The following CARMIL1 variants were observed in gnomAD, a reference collection of about 807,000 sequenced individuals.
CARMIL1 encodes F-actin-uncapping protein LRRC16A.
CARMIL1 carries 90 observed loss-of-function variants against 177.1 expected under a neutral mutation model. The ratio of observed to expected loss-of-function variants is 0.51; its 90% CI spans 0.43 to 0.61. The LOEUF (loss-of-function observed/expected upper bound fraction) is 0.61. CARMIL1 is among the 20% of genes least tolerant of loss of function. The pLI, the probability that CARMIL1 is intolerant of heterozygous loss-of-function variation, is 0.00. For synonymous variants in CARMIL1, 577 were observed against 606.2 expected, an observed-to-expected ratio of 0.95 and a Z score of 0.71; for missense variants, 1,380 against 1,667.0, an observed-to-expected ratio of 0.83 and a Z score of 3.00.
chr6:25,554,818 T>C lies in CARMIL1; in HGVS notation c.2592+722T>C, dbSNP rs1408450565. ...TCCTTCAAGAAAAATAATTCTTCAA[T>C]GTTTTCTTAACTGTGCGGGATGGAG... On this transcript the variant is annotated intron_variant, in intron 28 of 36. Coordinates refer to ENST00000329474, the MANE Select transcript of CARMIL1 (RefSeq NM_017640.6). The surrounding 1 kb of genome is among the most constrained non-coding windows in gnomAD (Gnocchi z 4.6). Among the ~76,000 whole-genome samples, 1 of 152,218 alleles carries C rather than the reference T, an allele frequency of 6.6e-6. No individual in the cohort carries two copies. The highest frequency in any genetic ancestry group is 1.5e-5 in the Non-Finnish European group (1 of 68,028).
Position 25,452,253 on chromosome 6 carries a change from TC to T in CARMIL1, c.614+1543del, listed in dbSNP as rs746362014. ...TTTTTTTTTTCCTGCTTAGAGCAGT[TC>T]TCCTTCTTCCTATAAGTGAGGCAAC... On this transcript the variant is annotated intron_variant, in intron 8 of 36. Transcript: ENST00000329474. 1.0e-5 allele frequency: 8 copies of T among 763,112 alleles called. No individual in the cohort carries two copies. The South Asian group carries it at 1.1e-4, about 10-fold the overall frequency. The allele number at this position is 763,112 out of a possible 1,614,324, so 47.3% of individuals were successfully genotyped here. A position where few individuals can be genotyped will look rare whatever the true frequency, so the allele number is the denominator to read the frequency against.
intron 1 of CARMIL1, among the ~76,000 whole-genome samples, chr6:25,282,408 G>A (rs1396351631): frequency 6.6e-6 from 1 of 152,124 alleles, no homozygotes; most frequent in Non-Finnish European, 1.5e-5. Context: ...TCTTCTACAT[G>A]TTCCCTTGCC....
intron 2 of CARMIL1, among the ~76,000 whole-genome samples, chr6:25,401,490 C>A (rs1793880615): frequency 6.6e-6 from 1 of 152,210 alleles, no homozygotes; most frequent in Non-Finnish European, 1.5e-5. Flanking sequence ...TGTTCTTATG[C>A]AAGTGTCACA....
intron 2 of CARMIL1, among the ~76,000 whole-genome samples, chr6:25,405,504 G>A (rs1462435660): frequency 1.3e-5 from 2 of 152,188 alleles, no homozygotes; most frequent in Non-Finnish European, 2.9e-5. Context: ...CTTTATTAAA[G>A]TGGATTTTGC....
intron 11 of CARMIL1, among the ~76,000 whole-genome samples, chr6:25,477,957 G>A (rs1801730534): frequency 6.9e-6 from 1 of 145,002 alleles, no homozygotes; most frequent in South Asian, 2.2e-4. Flanking sequence ...CTGGGCTCAA[G>A]CCATCCTCCC....
At chr6:25,526,275 G>A (rs936794972) in intron 23 of CARMIL1, among the ~76,000 whole-genome samples, 2 of 151,920 alleles carry the variant, frequency 1.3e-5, no homozygotes, top group Non-Finnish European at 1.5e-5. Context: ...CCCGGGGGGT[G>A]GAGCTTGCAG....
At position 25,619,615 on chromosome 6, in the gene CARMIL1, G is replaced by A; in HGVS notation, c.*32G>A. The A allele has an allele frequency of 6.3e-7, 1 of 1,599,168 alleles. No homozygotes were observed. Among genetic ancestry groups the A allele is most frequent in the Non-Finnish European group, 8.5e-7 (1 of 1,173,430 alleles). The stretch of plus-strand genomic sequence containing the variant: ...CCCACGCAGAAGTCTTCCTGTGCAG[G>A]GTGCTTTGGTAGCCATCAGAGAGGA... On this transcript the variant is annotated 3_prime_UTR_variant, in exon 37 of 37. Coordinates refer to ENST00000329474, the MANE Select transcript of CARMIL1 (RefSeq NM_017640.6).
intron 26 of CARMIL1, among the ~76,000 whole-genome samples, chr6:25,541,477 T>C (rs1386504379): frequency 1.3e-5 from 2 of 152,238 alleles, no homozygotes; most frequent in Non-Finnish European, 2.9e-5. Context: ...TAAATGTCTA[T>C]AATTTGACAT....
intron 32 of CARMIL1, among the ~76,000 whole-genome samples, chr6:25,596,522 T>A (rs1404051837): frequency 6.6e-6 from 1 of 152,172 alleles, no homozygotes; most frequent in Non-Finnish European, 1.5e-5. Flanking sequence ...TTTCTTCCAT[T>A]TGTCTTAATA....
chr6:25,435,728 A>C (rs1797167501), intron 5 of CARMIL1, 124 bp downstream of exon 5: 1 of 1,133,420 alleles, frequency 8.8e-7, no homozygotes, highest in Non-Finnish European at 1.2e-6. Context: ...TCTCCTCTTA[A>C]ATATTAAATA....
At chr6:25,351,079 A>G (rs1273708408) in intron 2 of CARMIL1, among the ~76,000 whole-genome samples, 1 of 152,046 alleles carries the variant, frequency 6.6e-6, no homozygotes, top group Non-Finnish European at 1.5e-5. Context: ...TGTATGTGTA[A>G]CTCTTAAGGG....
intron 23 of CARMIL1, among the ~76,000 whole-genome samples, chr6:25,521,769 CA>C (rs34016230): frequency 0.16 from 15,233 of 93,878 alleles, 772 homozygotes; most frequent in Admixed American, 0.22. Context: ...GATTCCATCT[CA>C]AAAAAAAAAA....
chr6:25,361,888 C>T (rs1789236317), intron 2 of CARMIL1, among the ~76,000 whole-genome samples: 1 of 151,994 alleles, frequency 6.6e-6, no homozygotes, highest in Non-Finnish European at 1.5e-5. Context: ...CAGATGCAGA[C>T]TCTTGAGTTT....
At chr6:25,379,623 A>G (rs911142996) in intron 2 of CARMIL1, among the ~76,000 whole-genome samples, 4 of 152,136 alleles carry the variant, frequency 2.6e-5, no homozygotes, top group African/African-American at 4.8e-5. Flanking sequence ...TCTGATCACT[A>G]AAAGGTGGAT....
intron 5 of CARMIL1, among the ~76,000 whole-genome samples, chr6:25,445,457 G>GGTTTTCAAA (rs1187837648): frequency 6.6e-6 from 1 of 151,918 alleles, no homozygotes; most frequent in Non-Finnish European, 1.5e-5. Flanking sequence ...TTTTTCTGAA[G>GGTTTTCAAA]GTTTTCAATT....
At chr6:25,440,858 A>C (rs1387314913) in intron 5 of CARMIL1, among the ~76,000 whole-genome samples, 1 of 151,978 alleles carries the variant, frequency 6.6e-6, no homozygotes. Context: ...GGGGGTCCTC[A>C]TCTCCTTCCT....
At chr6:25,560,182 T>A (rs1336168191) in intron 29 of CARMIL1, among the ~76,000 whole-genome samples, 1 of 152,184 alleles carries the variant, frequency 6.6e-6, no homozygotes, top group African/African-American at 2.4e-5. Flanking sequence ...CTAATCAAAC[T>A]TAATTTTATA....
rs1462332409 is a variant in CARMIL1 at position 25,620,499 on chromosome 6, T to C, written c.*916T>C. The C allele has an allele frequency of 3.3e-5, 5 of 152,244 alleles. No individual in the cohort carries two copies. The highest frequency in any genetic ancestry group is 1.2e-4 in the African/African-American group (5 of 41,470). The allele number at this position is 152,244 out of a possible 1,614,324, so 9.4% of individuals were successfully genotyped here. On this transcript the variant is annotated 3_prime_UTR_variant, in exon 37 of 37. Transcript: ENST00000329474. ...TGGAAGTATTTTATTCATATGTATA[T>C]TTATACCAATAAAATGATTTTACAA...
intron 8 of CARMIL1, chr6:25,451,986 G>GGGGGGGGGCCCCCC: frequency 8.9e-6 from 1 of 112,672 alleles, no homozygotes; most frequent in East Asian, 2.0e-4. Context: ...CTAGCATCTT[G>GGGGGGGGGCCCCCC]CCCCCCCCTC....
Sources: gnomAD v4.1 joint callset for allele counts (sites outside exome capture counted in the v4.1 genomes callset) on GRCh38, gnomAD v4.1.1 for gene constraint, Gnocchi (gnomAD v3.1) non-coding constraint, MANE v1.5 for transcripts, NCBI Gene and HGNC (gene_info 2026-07-23, HGNC 2026-07-21) for gene names.